KCNIP4: variants seen among roughly 807,000 people sequenced by gnomAD.
KCNIP4 encodes the protein potassium voltage-gated channel interacting protein 4.
Under a neutral mutation model 34.0 loss-of-function variants are expected in KCNIP4, and 12 were observed. The observed-to-expected ratio is 0.35, with a 90% confidence interval of 0.23 to 0.57. The LOEUF is 0.57. Among genes scored for constraint, KCNIP4 ranks in the 20% least tolerant of loss-of-function variants. The pLI is 0.83. For synonymous variants in KCNIP4, 124 were observed against 102.2 expected (o/e 1.21, Z -1.29); for missense variants, 238 against 311.7 (o/e 0.76, Z 1.78).
chr4:21,415,594 C>T (rs1724888833), intron 1 of KCNIP4, among the ~76,000 whole-genome samples: 2 of 151,358 alleles, frequency 1.3e-5, no homozygotes, highest in African/African-American at 4.9e-5. Flanking sequence ...CCCAACTATT[C>T]AGGAGGCTGA....
chr4:20,752,482 A>G (rs1208505043), intron 4 of KCNIP4: 3 of 152,228 alleles, frequency 2.0e-5, no homozygotes, highest in African/African-American at 7.2e-5. Flanking sequence ...AGCCACTTTT[A>G]TTTCAACTAC....
intron 1 of KCNIP4, among the ~76,000 whole-genome samples, chr4:21,862,196 G>A (rs1477762923): frequency 2.6e-5 from 4 of 152,042 alleles, no homozygotes; most frequent in Non-Finnish European, 5.9e-5. Flanking sequence ...GTTACTTTAG[G>A]CTGCTTTACT....
chr4:21,409,851 G>T (rs1724331964), intron 1 of KCNIP4, among the ~76,000 whole-genome samples: 1 of 152,160 alleles, frequency 6.6e-6, no homozygotes, highest in Admixed American at 6.5e-5. Context: ...ATTCTAGTTT[G>T]CCTGTCATCA....
chr4:20,803,517 T>A (rs946810001), intron 3 of KCNIP4, among the ~76,000 whole-genome samples: 4 of 118,758 alleles, frequency 3.4e-5, no homozygotes, highest in African/African-American at 1.3e-4. Context: ...ATTAGCTGGG[T>A]GTGGTGTCAT....
intron 1 of KCNIP4, among the ~76,000 whole-genome samples, chr4:21,175,703 G>A (rs1028871418): frequency 1.3e-5 from 2 of 152,168 alleles, no homozygotes; most frequent in African/African-American, 4.8e-5. Context: ...AAGTGACAAA[G>A]GGAGGATTCA....
chr4:21,077,969 T>C (rs777459440), intron 1 of KCNIP4, among the ~76,000 whole-genome samples: 5 of 152,030 alleles, frequency 3.3e-5, no homozygotes, highest in Non-Finnish European at 7.4e-5. Context: ...AGATTTTTAA[T>C]ATGAGTTTTA....
intron 1 of KCNIP4, among the ~76,000 whole-genome samples, chr4:21,332,624 C>T (rs906839285): frequency 6.6e-6 from 1 of 152,126 alleles, no homozygotes; most frequent in South Asian, 2.1e-4. Flanking sequence ...TCTCCACTCT[C>T]ATCCAATCCT....
At chr4:20,996,959 G>A (rs1445567691) in intron 1 of KCNIP4, among the ~76,000 whole-genome samples, 1 of 152,044 alleles carries the variant, frequency 6.6e-6, no homozygotes, top group African/African-American at 2.4e-5. Context: ...CTTTCCTCAC[G>A]CAGGCATTTG....
At chr4:20,955,792 A>G (rs543674931) in intron 1 of KCNIP4, among the ~76,000 whole-genome samples, 1 of 152,344 alleles carries the variant, frequency 6.6e-6, no homozygotes, top group African/African-American at 2.4e-5. Context: ...GACAAATTAT[A>G]TGCCTAAATT....
chr4:21,501,688 TTGTG>T lies in KCNIP4; in HGVS notation c.61+446879_61+446882del, dbSNP rs370071298. ...TTCACATTTTGGGAATGCAGAAGCC[TTGTG>T]TGTGTGTGTGTGTGTGTGTGTGTGC... On this transcript the variant is annotated intron_variant, in intron 1 of 8. Transcript: ENST00000382152. 1.6e-4 allele frequency among the ~76,000 whole-genome samples: 20 copies of T among 127,212 alleles called. 1 individual carries two copies. Among genetic ancestry groups the T allele is most frequent in the East Asian group, 8.6e-4 (4 of 4,650 alleles). The allele number at this position is 127,212 out of a possible 152,430, so 83.5% of individuals were successfully genotyped here. A position where few individuals can be genotyped will look rare whatever the true frequency, so the allele number is the denominator to read the frequency against.
In KCNIP4 at chr4:20,729,160, A is replaced by G. The variant is rs1246224870; in HGVS notation, c.*922T>C. On this transcript the variant is annotated 3_prime_UTR_variant, in exon 9 of 9. Transcript: ENST00000382152. The stretch of plus-strand genomic sequence containing the variant: ...TAATATAAATAAACATGCTGTAAGG[A>G]AGTCAGGGGAAAGAGGACAGATTTG... 1 of 152,522 alleles carries G rather than the reference A, an allele frequency of 6.6e-6. No homozygotes were observed. 9.4% of individuals were successfully genotyped at this position (152,522 alleles called of 1,614,324 possible). A position where few individuals can be genotyped will look rare whatever the true frequency, so the allele number is the denominator to read the frequency against.
chr4:21,669,449 T>C (rs967736936), intron 1 of KCNIP4, among the ~76,000 whole-genome samples: 41 of 152,350 alleles, frequency 2.7e-4, no homozygotes, highest in African/African-American at 9.6e-4. Flanking sequence ...ACTGTAAGAA[T>C]ACAACATACA....
intron 1 of KCNIP4, among the ~76,000 whole-genome samples, chr4:21,264,151 A>C (rs1043180835): frequency 6.6e-6 from 1 of 152,190 alleles, no homozygotes; most frequent in African/African-American, 2.4e-5. Context: ...ACACATCCCA[A>C]TTTCTACCAC....
chr4:21,775,185 T>C (rs1477142915), intron 1 of KCNIP4, among the ~76,000 whole-genome samples: 1 of 152,180 alleles, frequency 6.6e-6, no homozygotes, highest in Non-Finnish European at 1.5e-5. Context: ...CACTTTCTGC[T>C]TTTTTGTTCT....
chr4:21,823,094 C>T (rs762147651), intron 1 of KCNIP4, among the ~76,000 whole-genome samples: 3 of 152,032 alleles, frequency 2.0e-5, no homozygotes. Flanking sequence ...TATTTAGATA[C>T]AGCATGCATA....
At chr4:21,842,745 A>G (rs1383903574) in intron 1 of KCNIP4, among the ~76,000 whole-genome samples, 1 of 152,122 alleles carries the variant, frequency 6.6e-6, no homozygotes, top group Non-Finnish European at 1.5e-5. Context: ...TACTTCAAAT[A>G]TTACTTTCTT....
At chr4:21,550,083 A>G (rs1472010315) in intron 1 of KCNIP4, among the ~76,000 whole-genome samples, 1 of 152,140 alleles carries the variant, frequency 6.6e-6, no homozygotes, top group African/African-American at 2.4e-5. Context: ...TTTAGTGCAT[A>G]TAACCCCCTT....
intron 1 of KCNIP4, among the ~76,000 whole-genome samples, chr4:21,756,691 T>C (rs1475050403): frequency 6.6e-6 from 1 of 152,172 alleles, no homozygotes; most frequent in Non-Finnish European, 1.5e-5. Context: ...TCTACCTTGA[T>C]ATCTCTGAAT....
At chr4:21,735,178 T>A (rs906366404) in intron 1 of KCNIP4, among the ~76,000 whole-genome samples, 2 of 151,950 alleles carry the variant, frequency 1.3e-5, no homozygotes, top group Non-Finnish European at 2.9e-5. Context: ...AGAGCCATAA[T>A]GGGGCAAGTA....
Sources: allele counts gnomAD v4.1 joint callset (sites outside exome capture counted in the v4.1 genomes callset), GRCh38; gene constraint gnomAD v4.1.1; transcripts MANE v1.5; gene names NCBI Gene and HGNC (gene_info 2026-07-23, HGNC 2026-07-21).